Variants in BUB1 observed in about 807,000 individuals in gnomAD.
BUB1 encodes the protein BUB1 mitotic checkpoint serine/threonine kinase.
In BUB1, 84 loss-of-function variants were observed where a neutral mutation model predicts 135.2. The observed-to-expected ratio is 0.62, with a 90% confidence interval of 0.52 to 0.74. The LOEUF is 0.74. Among genes scored for constraint, BUB1 ranks in the 30% least tolerant of loss-of-function variants. BUB1 has a pLI of 0.00. For missense variants in BUB1, 1,162 were observed against 1,288.3 expected, an observed-to-expected ratio of 0.90 and a Z score of 1.50; for synonymous variants, 403 against 434.4, an observed-to-expected ratio of 0.93 and a Z score of 0.90.
At chr2:110,663,966 T>C (rs984754433) in intron 9 of BUB1, among the ~76,000 whole-genome samples, 2 of 150,818 alleles carry the variant, frequency 1.3e-5, no homozygotes, top group Admixed American at 1.3e-4. Flanking sequence ...GAGGCGGAGC[T>C]TGCAGTGAGT....
intron 9 of BUB1, among the ~76,000 whole-genome samples, chr2:110,663,780 A>G (rs570579275): frequency 2.0e-5 from 3 of 152,118 alleles, no homozygotes; most frequent in South Asian, 2.1e-4. Flanking sequence ...TGTAATCCCA[A>G]CACTTTGGGG....
intron 17 of BUB1, among the ~76,000 whole-genome samples, chr2:110,651,086 G>A (rs577784047): frequency 6.6e-5 from 10 of 152,244 alleles, no homozygotes; most frequent in African/African-American, 4.8e-5. Flanking sequence ...GCATCTATGC[G>A]ACACTACTAT....
In BUB1 at chr2:110,642,136, G is replaced by C; in HGVS notation, c.2446C>G (p.Gln816Glu). The change falls in exon 20 of 25, where the codon CAG becomes GAG. Residue 816 changes from glutamine to glutamate, a missense_variant. Coordinates refer to ENST00000302759, the MANE Select transcript of BUB1 (RefSeq NM_004336.5). ...TCATTTACCTTTAAAACAAATTTCT[G>C]TTTATTTTTAGCATCATTCAGATCT... ...QGDLNDAKNK[Q>E]KFVLKVQKPA... is the part of the protein sequence containing the mutation. 6.2e-7 allele frequency: 1 copy of C among 1,608,146 alleles called. No individual in the cohort carries two copies. The highest frequency in any genetic ancestry group is 8.5e-7 in the Non-Finnish European group (1 of 1,177,192).
intron 1 of BUB1, among the ~76,000 whole-genome samples, chr2:110,675,593 T>A (rs1231947439): frequency 1.3e-5 from 2 of 152,028 alleles, no homozygotes; most frequent in Non-Finnish European, 2.9e-5. Flanking sequence ...GTTTTCTATC[T>A]GAGACACTAT....
chr2:110,673,172 T>C (rs972938476), intron 3 of BUB1, among the ~76,000 whole-genome samples: 1 of 151,990 alleles, frequency 6.6e-6, no homozygotes, highest in African/African-American at 2.4e-5. Flanking sequence ...TACATGGAGG[T>C]TCCTGGAGGG....
intron 16 of BUB1, 87 bp from the exon 17 acceptor site, chr2:110,653,610 G>T: frequency 9.1e-7 from 1 of 1,095,620 alleles, no homozygotes; most frequent in Non-Finnish European, 1.4e-6. Flanking sequence ...CAAAGTCTAG[G>T]ATTTCTTTTG....
chr2:110,667,637 T>C lies in BUB1; in HGVS notation c.689A>G (p.Asp230Gly), dbSNP rs761997746. The change falls in exon 8 of 25, where the codon GAT (aspartate) becomes GGT (glycine). Residue 230 changes from aspartate to glycine, a missense_variant. Physicochemically the swap from Asp to Gly is moderately conservative, Grantham distance 94. Transcript: ENST00000302759. ...SVHSSLASKV[D>G]VEQVVMYCKE... ...GCAATACATAACAACCTGCTCAACA[T>C]CAACTTTGGATGCCAAAGATGAGTG... 1.9e-6 allele frequency: 3 copies of C among 1,613,920 alleles called. No homozygotes were observed. The highest frequency in any genetic ancestry group is 1.7e-5 in the Admixed American group (1 of 59,988).
At position 110,655,893 on chromosome 2, in the gene BUB1, C is replaced by G; in HGVS notation, c.1722G>C (p.Glu574Asp). The change falls in exon 16 of 25, where the codon GAG becomes GAC. Residue 574 changes from glutamate to aspartate, a missense_variant. Transcript: ENST00000302759. The stretch of plus-strand genomic sequence containing the variant: ...CCCATACAGTTGAGTCATCCAAAAA[C>G]TCTTCAGCATGAGGCACTTCCTCCT... ...KPKEEVPHAE[E>D]FLDDSTVWGI... 1 of 1,613,480 alleles carries G rather than the reference C, an allele frequency of 6.2e-7. No individual in the cohort carries two copies. The highest frequency in any genetic ancestry group is 8.5e-7 in the Non-Finnish European group (1 of 1,179,548).
At chr2:110,666,473 TA>T in intron 8 of BUB1, 59 bp from the exon 9 acceptor site, 1 of 1,233,934 alleles carries the variant, frequency 8.1e-7, no homozygotes, top group Non-Finnish European at 1.0e-6. Context: ...ATCATAGGAA[TA>T]CATGCAAAAT....
At chr2:110,660,381 C>CA (rs1309579473) in intron 10 of BUB1, among the ~76,000 whole-genome samples, 105 of 135,738 alleles carry the variant, frequency 7.7e-4, no homozygotes, top group Middle Eastern at 3.6e-3. Flanking sequence ...CATCTCAAAA[C>CA]AAAAAAAAAA....
At chr2:110,665,034 TG>T (rs1478066709) in intron 9 of BUB1, among the ~76,000 whole-genome samples, 2 of 152,128 alleles carry the variant, frequency 1.3e-5, no homozygotes, top group Non-Finnish European at 2.9e-5. Context: ...TACATACACT[TG>T]AAAGGTAGCA....
chr2:110,650,607 A>G lies in BUB1; in HGVS notation c.2142T>C (p.Ala714=), dbSNP rs1215464410. ...DAAIAEDPPD[A]IAGLQAEWMQ... ...TCCATTCTGCTTGGAGCCCAGCAAT[A>G]GCATCTGGTGGATCTTCTGCAATGG... The change falls in exon 18 of 25, where the codon GCT becomes GCC. Residue 714 remains alanine (A), a synonymous_variant. Coordinates refer to ENST00000302759, the MANE Select transcript of BUB1 (RefSeq NM_004336.5). 1.2e-6 allele frequency: 2 copies of G among 1,613,794 alleles called. No individual in the cohort carries two copies.
chr2:110,669,703 G>A (rs1226139218), intron 5 of BUB1, 150 bp from the exon 6 acceptor site: 21 of 549,994 alleles, frequency 3.8e-5, no homozygotes, highest in Non-Finnish European at 5.1e-5. Context: ...CAACTAAAAC[G>A]TTTTTAAAAT....
In BUB1 at chr2:110,655,719, TAAAAC is replaced by T. The variant is rs752159092; in HGVS notation, c.1876+15_1876+19del. 1.7e-5 allele frequency: 26 copies of T among 1,573,254 alleles called. No homozygotes were observed. The East Asian group carries it at 5.4e-4, about 33-fold the overall frequency. ...ATCAAAGTTGGCAGAAGACAGACACTAAAACAGTGTAACACACACCTTTATCTTCT... is the reference window on the plus strand; with the variant it reads ...ATCAAAGTTGGCAGAAGACAGACACTAGTGTAACACACACCTTTATCTTCT... On this transcript the variant is annotated intron_variant, in intron 16 of 24. Transcript: ENST00000302759.
chr2:110,643,346 A>G (rs1689554572), intron 19 of BUB1, among the ~76,000 whole-genome samples: 2 of 152,224 alleles, frequency 1.3e-5, no homozygotes, highest in South Asian at 4.1e-4. Flanking sequence ...GTCCGTAGGG[A>G]AACCCAAAGA....
intron 9 of BUB1, among the ~76,000 whole-genome samples, chr2:110,662,476 T>C (rs1333622595): frequency 6.6e-6 from 1 of 152,172 alleles, no homozygotes; most frequent in Non-Finnish European, 1.5e-5. Context: ...TTTCTCACCA[T>C]ATAAAAGTAT....
intron 1 of BUB1, among the ~76,000 whole-genome samples, chr2:110,676,217 TA>T: frequency 2.0e-5 from 3 of 150,814 alleles, no homozygotes; most frequent in African/African-American, 7.5e-5. Context: ...AAGGGCATAA[TA>T]AATTATTTCA....
In BUB1 at chr2:110,678,055, G is replaced by C; in HGVS notation, c.-60C>G. The stretch of plus-strand genomic sequence containing the variant: ...GAACCGCAAACTAGAAGCCGCCGCC[G>C]ATTCGAATACCCCGCGCAGCCGCAG... On this transcript the variant is annotated 5_prime_UTR_variant, in exon 1 of 25. The change creates a new upstream start codon in the 5' untranslated region. Coordinates refer to ENST00000302759, the MANE Select transcript of BUB1 (RefSeq NM_004336.5). 6.4e-7 allele frequency: 1 copy of C among 1,555,748 alleles called. No homozygotes were observed. The highest frequency in any genetic ancestry group is 8.7e-7 in the Non-Finnish European group (1 of 1,152,308).
chr2:110,676,589 C>T (rs1690592894), intron 1 of BUB1: 2 of 151,936 alleles, frequency 1.3e-5, no homozygotes, highest in Admixed American at 6.5e-5. Flanking sequence ...GTGTTGACTG[C>T]TTAGATCAAT....
Sources: allele counts gnomAD v4.1 joint callset (sites outside exome capture counted in the v4.1 genomes callset), GRCh38; gene constraint gnomAD v4.1.1; transcripts MANE v1.5; gene names NCBI Gene and HGNC (gene_info 2026-07-23, HGNC 2026-07-21).